The following CYTIP variants were observed in gnomAD, a reference collection of about 807,000 sequenced individuals.
CYTIP encodes cytohesin 1 interacting protein.
A neutral mutation model predicts 43.8 loss-of-function variants in CYTIP; 26 were observed. The ratio of observed to expected loss-of-function variants is 0.59; its 90% confidence interval spans 0.44 to 0.82. CYTIP has a LOEUF of 0.82. CYTIP is among the 40% of genes least tolerant of loss of function. The probability of loss-of-function intolerance (pLI) is 0.00; values close to 1 mark genes in which losing one functional copy is unlikely to be tolerated. For missense variants in CYTIP, 426 were observed against 443.1 expected, an observed-to-expected ratio of 0.96 and a Z score of 0.35; for synonymous variants, 162 against 162.9, an observed-to-expected ratio of 0.99 and a Z score of 0.04.
rs1469705577 is a variant in CYTIP at position 157,415,991 on chromosome 2, C to G, written c.766G>C (p.Asp256His). 2.5e-6 allele frequency: 4 copies of G among 1,614,214 alleles called. No individual in the cohort carries two copies. The Admixed American group carries it at 6.7e-5, about 27-fold the overall frequency. ...CKSWLSSMTM[D>H]SEDGYQTCVS... ...CACGTCTGGTAGCCATCTTCACTGTCCATCGTCATGGAGCTCAGCCAGCTC... is the reference window on the plus strand; with the variant it reads ...CACGTCTGGTAGCCATCTTCACTGTGCATCGTCATGGAGCTCAGCCAGCTC... The change falls in exon 8 of 8, where the codon GAC (aspartate) becomes CAC (histidine). Residue 256 changes from aspartate to histidine, a missense_variant. Transcript: ENST00000264192.
chr2:157,421,813 C>T (rs768922396), intron 6 of CYTIP, among the ~76,000 whole-genome samples: 2 of 152,278 alleles, frequency 1.3e-5, no homozygotes, highest in African/African-American at 2.4e-5. Context: ...CAGACCAAGA[C>T]ATTTTTGGCT....
At chr2:157,429,483 A>C (rs1302988898) in intron 5 of CYTIP, among the ~76,000 whole-genome samples, 2 of 152,206 alleles carry the variant, frequency 1.3e-5, no homozygotes, top group Admixed American at 1.3e-4. Flanking sequence ...AAATATACAC[A>C]TTACTTAAAT....
At position 157,415,740 on chromosome 2, in the gene CYTIP, C is replaced by A. The variant is rs772131208; in HGVS notation, c.1017G>T (p.Lys339Asn). Residue 339 changes from lysine (K) to asparagine (N), a missense_variant, in exon 8 of 8, where the codon AAG becomes AAT. Physicochemically the swap from Lys to Asn is moderately conservative, Grantham distance 94. Transcript: ENST00000264192. The part of the protein sequence containing the change: ...PRKSRKGSVR[K>N]QLLKFIPGLH... ...GGCCAGGGATAAATTTCAAGAGTTG[C>A]TTTCGGACACTTCCCTTTCTGCTCT... The A allele has an allele frequency of 1.2e-6, 2 of 1,614,120 alleles. No individual in the cohort carries two copies. Among genetic ancestry groups the A allele is most frequent in the Admixed American group, 1.7e-5 (1 of 60,012 alleles).
intron 5 of CYTIP, 48 bp from the exon 6 acceptor site, chr2:157,427,468 A>G (rs376050248): frequency 6.1e-5 from 86 of 1,407,128 alleles, no homozygotes; most frequent in Non-Finnish European, 7.8e-5. Context: ...AGTGAGTAAC[A>G]TGAGTGATTC....
chr2:157,443,001 AT>A (rs1252972373), intron 1 of CYTIP, among the ~76,000 whole-genome samples: 1 of 152,192 alleles, frequency 6.6e-6, no homozygotes, highest in South Asian at 2.1e-4. Context: ...TTAAAAAAAA[AT>A]TTTTACATGT....
intron 1 of CYTIP, among the ~76,000 whole-genome samples, chr2:157,440,674 CA>C (rs988520250): frequency 1.1e-4 from 16 of 152,220 alleles, no homozygotes; most frequent in African/African-American, 3.6e-4. Context: ...ATCAGCCTGC[CA>C]GAAGTTGCCT....
At chr2:157,433,799 G>A (rs1685750410) in intron 3 of CYTIP, among the ~76,000 whole-genome samples, 1 of 152,108 alleles carries the variant, frequency 6.6e-6, no homozygotes, top group Non-Finnish European at 1.5e-5. Context: ...AGAGCCAAAT[G>A]TTCTCAAGTG....
chr2:157,419,241 G>A (rs1308631643), intron 6 of CYTIP, among the ~76,000 whole-genome samples: 1 of 152,110 alleles, frequency 6.6e-6, no homozygotes, highest in African/African-American at 2.4e-5. Flanking sequence ...CTCGTGATCT[G>A]CCTACCTCAG....
chr2:157,417,482 C>G (rs1351258379), intron 7 of CYTIP, among the ~76,000 whole-genome samples: 1 of 152,002 alleles, frequency 6.6e-6, no homozygotes, highest in African/African-American at 2.4e-5. Context: ...TCAGGATGCT[C>G]CAGAAGTGGA....
Position 157,416,057 on chromosome 2 carries a change from G to T in CYTIP, c.700C>A (p.Leu234Ile). The change falls in exon 8 of 8, where the codon CTT becomes ATT. Residue 234 changes from leucine to isoleucine, a missense_variant. Coordinates refer to ENST00000264192, the MANE Select transcript of CYTIP (RefSeq NM_004288.5). ...CTGGATAATCGATTCCGGTCCACAA[G>T]GGCTGGGCCTGGCCCAGGCAGGGGT... is the stretch of plus-strand genomic sequence containing the variant. ...FGPLPGPGPA[L>I]VDRNRLSSES... 6.2e-7 allele frequency: 1 copy of T among 1,614,192 alleles called. No homozygotes were observed. Among genetic ancestry groups the T allele is most frequent in the Non-Finnish European group, 8.5e-7 (1 of 1,180,040 alleles).
intron 1 of CYTIP, among the ~76,000 whole-genome samples, chr2:157,437,141 A>G (rs1423819317): frequency 6.6e-6 from 1 of 152,166 alleles, no homozygotes; most frequent in Non-Finnish European, 1.5e-5. Context: ...GAAAGGCTTT[A>G]GCATATTGGA....
At chr2:157,421,387 T>G (rs1685520191) in intron 6 of CYTIP, among the ~76,000 whole-genome samples, 1 of 152,230 alleles carries the variant, frequency 6.6e-6, no homozygotes, top group Non-Finnish European at 1.5e-5. Context: ...GCTTTCAATC[T>G]ACAGGAGACA....
At chr2:157,430,537 C>G (rs112966992) in intron 5 of CYTIP, 22 bp downstream of exon 5, 1 of 1,602,382 alleles carries the variant, frequency 6.2e-7, no homozygotes, top group African/African-American at 1.3e-5. Context: ...TGAAGCCCCA[C>G]GGGAACTAGA....
At chr2:157,429,939 C>T (rs1477721471) in intron 5 of CYTIP, among the ~76,000 whole-genome samples, 1 of 149,436 alleles carries the variant, frequency 6.7e-6, no homozygotes, top group Non-Finnish European at 1.5e-5. Flanking sequence ...AGGAGAATGG[C>T]GTGAACCTGG....
intron 2 of CYTIP, 128 bp downstream of exon 2, chr2:157,434,570 G>T: frequency 1.2e-6 from 1 of 855,054 alleles, no homozygotes; most frequent in Non-Finnish European, 1.9e-6. Flanking sequence ...GTGTGTGTCT[G>T]TGTGTGTGCG....
intron 6 of CYTIP, 125 bp downstream of exon 6, chr2:157,427,226 A>G: frequency 1.4e-6 from 1 of 731,736 alleles, no homozygotes; most frequent in South Asian, 1.9e-5. Context: ...TTGATAATTC[A>G]GCAGTTTAGA....
chr2:157,424,008 A>T (rs1685563758), intron 6 of CYTIP, among the ~76,000 whole-genome samples: 1 of 152,222 alleles, frequency 6.6e-6, no homozygotes, highest in Admixed American at 6.5e-5. Context: ...TCTGAAAGAT[A>T]GCTCATTCCT....
At position 157,416,239 on chromosome 2, in the gene CYTIP, AG is replaced by A. The variant is rs1290104836; in HGVS notation, c.614-97del. The A allele has an allele frequency of 1.4e-5, 14 of 1,027,016 alleles. No homozygotes were observed. The African/African-American group carries it at 1.8e-4, about 13-fold the overall frequency. The allele number at this position is 1,027,016 out of a possible 1,614,324, so 63.6% of individuals were successfully genotyped here. On this transcript the variant is annotated intron_variant, in intron 7 of 7. Coordinates refer to ENST00000264192, the MANE Select transcript of CYTIP (RefSeq NM_004288.5). ...CTTCTCTTTGAATGACACGAGAAAG[AG>A]TAAGGGTGAAAAATACTTTTCACTG...
chr2:157,431,035 G>A, intron 3 of CYTIP, 73 bp from the exon 4 acceptor site: 1 of 1,204,236 alleles, frequency 8.3e-7, no homozygotes, highest in Non-Finnish European at 1.2e-6. Context: ...TTAAAATGAT[G>A]TCAATTATCA....
Sources: gnomAD v4.1 joint callset for allele counts (sites outside exome capture counted in the v4.1 genomes callset) on GRCh38, gnomAD v4.1.1 for gene constraint, MANE v1.5 for transcripts, NCBI Gene and HGNC (gene_info 2026-07-23, HGNC 2026-07-21) for gene names.